The following ACAP2 variants were observed in gnomAD, a reference collection of about 807,000 sequenced individuals.
ACAP2 encodes the protein ArfGAP with coiled-coil, ankyrin repeat and PH domains 2.
ACAP2 carries 39 observed loss-of-function variants against 115.8 expected under a neutral mutation model. The observed-to-expected ratio is 0.34, with a 90% CI of 0.26 to 0.44. The LOEUF (loss-of-function observed/expected upper bound fraction) is 0.44, where lower values mean the gene tolerates loss of function less well. Ranked by LOEUF, ACAP2 falls within the 20% of genes least tolerant of loss-of-function variation. The pLI is 1.00. For missense variants in ACAP2, 662 were observed against 927.6 expected (o/e 0.71, Z 3.72); for synonymous variants, 289 against 315.8 (o/e 0.92, Z 0.90).
chr3:195,375,491 T>G (rs534212719), intron 4 of ACAP2, among the ~76,000 whole-genome samples: 36 of 117,064 alleles, frequency 3.1e-4, no homozygotes, highest in African/African-American at 1.1e-3. Flanking sequence ...AGCTCTAAAT[T>G]GAAAAATCAA....
At chr3:195,438,934 G>A (rs762486321) in intron 1 of ACAP2, among the ~76,000 whole-genome samples, 4 of 151,998 alleles carry the variant, frequency 2.6e-5, no homozygotes, top group Non-Finnish European at 5.9e-5. Context: ...GGAGGTGCAC[G>A]CCTATAATCC....
chr3:195,388,063 T>C (rs1331238554), intron 2 of ACAP2, among the ~76,000 whole-genome samples: 1 of 152,172 alleles, frequency 6.6e-6, no homozygotes, highest in African/African-American at 2.4e-5. Context: ...TACCAGGTTA[T>C]GCTACCACCC....
chr3:195,298,510 G>A (rs185783443), intron 15 of ACAP2, among the ~76,000 whole-genome samples: 11 of 151,906 alleles, frequency 7.2e-5, no homozygotes, highest in South Asian at 2.1e-4. Context: ...TGCCCACCTC[G>A]ACCTCTCAAA....
At chr3:195,279,979 T>G (rs1271248176) in intron 22 of ACAP2, among the ~76,000 whole-genome samples, 1 of 151,704 alleles carries the variant, frequency 6.6e-6, no homozygotes, top group Admixed American at 6.6e-5. Context: ...TAATTAAAAC[T>G]AATGCACCTA....
rs1320999710 is a variant in ACAP2, at chr3:195,442,778, G to A, written c.53+17C>T. 1.4e-5 allele frequency: 22 copies of A among 1,528,002 alleles called. No homozygotes were observed. The highest frequency in any genetic ancestry group is 1.9e-5 in the Non-Finnish European group (22 of 1,137,764). 94.7% of individuals were successfully genotyped at this position (1,528,002 alleles called of 1,614,324 possible). A position where few individuals can be genotyped will look rare whatever the true frequency, so the allele number is the denominator to read the frequency against. ...GAAGGCAGCTCCGCGGTGACGCCGG[G>A]CGGCCGTGCCGGTTACCTGAAGCGG... On this transcript the variant is annotated intron_variant, in intron 1 of 22. Coordinates refer to ENST00000326793, the MANE Select transcript of ACAP2 (RefSeq NM_012287.6).
chr3:195,367,596 G>C, intron 4 of ACAP2, among the ~76,000 whole-genome samples: 1 of 152,144 alleles, frequency 6.6e-6, no homozygotes, highest in East Asian at 1.9e-4. Context: ...CCCTGAATCT[G>C]GGGTGGCTCT....
At chr3:195,305,820 C>A (rs1158601895) in intron 13 of ACAP2, among the ~76,000 whole-genome samples, 1 of 151,864 alleles carries the variant, frequency 6.6e-6, no homozygotes, top group Non-Finnish European at 1.5e-5. Context: ...GTCGTCCCCC[C>A]ATAATCCCAT....
chr3:195,282,821 G>A (rs1327009122), intron 22 of ACAP2: 2 of 152,180 alleles, frequency 1.3e-5, no homozygotes, highest in Non-Finnish European at 2.9e-5. Flanking sequence ...TTTTTAAAAT[G>A]CAGACTGCTG....
intron 4 of ACAP2, among the ~76,000 whole-genome samples, chr3:195,346,733 TTTCA>T (rs1198331756): frequency 6.6e-6 from 1 of 152,246 alleles, no homozygotes; most frequent in Non-Finnish European, 1.5e-5. Context: ...TTTATAGCAG[TTTCA>T]TTCCTAATTG....
intron 18 of ACAP2, among the ~76,000 whole-genome samples, chr3:195,292,921 C>CAAAAAAAAAAA (rs3988217): frequency 2.6e-5 from 2 of 76,724 alleles, no homozygotes; most frequent in Non-Finnish European, 4.8e-5. Context: ...GACTCAGTCT[C>CAAAAAAAAAAA]AAAAAAAAAA....
At chr3:195,322,596 T>TA (rs1553850284) in intron 9 of ACAP2, among the ~76,000 whole-genome samples, 1 of 152,074 alleles carries the variant, frequency 6.6e-6, no homozygotes, top group Non-Finnish European at 1.5e-5. Context: ...ACTTTTTCTT[T>TA]GGGGGAAAAA....
rs1018557872 is a variant in ACAP2, at chr3:195,321,091, A to G, written c.745-278T>C. Among the ~76,000 whole-genome samples the G allele has an allele frequency of 9.2e-5, 14 of 152,316 alleles. No individual in the cohort carries two copies. In the East Asian group the frequency reaches 2.7e-3, roughly 29 times the overall value. On this transcript the variant is annotated intron_variant, in intron 9 of 22. Coordinates refer to ENST00000326793, the MANE Select transcript of ACAP2 (RefSeq NM_012287.6). ...TAGAATATAGTGCAAAACAGAAAAT[A>G]AATCAATATAAACTATATATACATT...
At chr3:195,309,359 A>G (rs1464064530) in intron 10 of ACAP2, among the ~76,000 whole-genome samples, 1 of 152,132 alleles carries the variant, frequency 6.6e-6, no homozygotes, top group Non-Finnish European at 1.5e-5. Context: ...AGCCTGACCA[A>G]CATGGTGAAA....
chr3:195,401,805 T>G (rs938039959), intron 1 of ACAP2, among the ~76,000 whole-genome samples: 5 of 152,174 alleles, frequency 3.3e-5, no homozygotes, highest in Non-Finnish European at 7.4e-5. Flanking sequence ...AACTATTAGA[T>G]GACAGTAAAG....
At chr3:195,374,211 C>A (rs1158247473) in intron 4 of ACAP2, among the ~76,000 whole-genome samples, 1 of 152,038 alleles carries the variant, frequency 6.6e-6, no homozygotes, top group Non-Finnish European at 1.5e-5. Flanking sequence ...CTTGGTGAAA[C>A]CCCATCTCTA....
At chr3:195,310,694 T>C (rs754457333) in intron 10 of ACAP2, among the ~76,000 whole-genome samples, 8 of 152,208 alleles carry the variant, frequency 5.3e-5, no homozygotes, top group Admixed American at 1.3e-4. Flanking sequence ...CTTCTAAAAA[T>C]AGTATTAAAA....
intron 4 of ACAP2, among the ~76,000 whole-genome samples, chr3:195,356,871 C>A (rs1732006592): frequency 6.6e-6 from 1 of 151,788 alleles, no homozygotes; most frequent in Non-Finnish European, 1.5e-5. Flanking sequence ...CTCAGACATG[C>A]AGACTTCAGG....
Position 195,333,150 on chromosome 3 carries a change from T to G in ACAP2, c.574-27A>C, listed in dbSNP as rs186743770. 55 of 1,233,862 alleles carry G rather than the reference T, an allele frequency of 4.5e-5. No individual in the cohort carries two copies. The Admixed American group carries it at 4.7e-4, about 11-fold the overall frequency. 76.4% of individuals were successfully genotyped at this position (1,233,862 alleles called of 1,614,324 possible). On this transcript the variant is annotated intron_variant, in intron 7 of 22. Coordinates refer to ENST00000326793, the MANE Select transcript of ACAP2 (RefSeq NM_012287.6). ...TAATAGGGAAAAAAAGATGACCATT[T>G]TAAAATCTATTCCTAGATAGACATT...
At chr3:195,415,687 A>G (rs1469648116) in intron 1 of ACAP2, among the ~76,000 whole-genome samples, 1 of 152,202 alleles carries the variant, frequency 6.6e-6, no homozygotes, top group African/African-American at 2.4e-5. Flanking sequence ...TTATTTTTAA[A>G]TATTTTCAGA....
Sources: allele counts gnomAD v4.1 joint callset (sites outside exome capture counted in the v4.1 genomes callset), GRCh38; gene constraint gnomAD v4.1.1; transcripts MANE v1.5; gene names NCBI Gene and HGNC (gene_info 2026-07-23, HGNC 2026-07-21).